The following NOX4 variants were observed in gnomAD, a reference collection of about 807,000 sequenced individuals.
NOX4 encodes the protein kidney oxidase-1.
In NOX4, 69 loss-of-function variants were observed where a neutral mutation model predicts 87.6. That is an observed-to-expected ratio of 0.79 (90% CI 0.65 to 0.96). NOX4 has a LOEUF of 0.96. Ranked by LOEUF, NOX4 falls within the 40% of genes least tolerant of loss-of-function variation. The pLI is 0.00. For missense variants in NOX4, 680 were observed against 681.5 expected (o/e 1.00, Z 0.02); for synonymous variants, 275 against 238.2 (o/e 1.15, Z -1.42).
chr11:89,541,541 T>C, the NOX4 span, among the ~76,000 whole-genome samples: 169 of 152,306 alleles, frequency 1.1e-3, 1 homozygote, highest in African/African-American at 3.5e-3. Flanking sequence ...GATTTTTTTT[T>C]CAGAAGATAT....
Position 89,420,869 on chromosome 11 carries a change from T to C in NOX4, c.629+1033A>G, listed in dbSNP as rs773566064. On this transcript the variant is annotated intron_variant, in intron 8 of 17. Coordinates refer to ENST00000263317, the MANE Select transcript of NOX4 (RefSeq NM_016931.5). ...AAAGGACTGTGATTGAACTATGAAA[T>C]CATTTTGGACCTCACAGACCTCAGC... Among the ~76,000 whole-genome samples the C allele has an allele frequency of 2.4e-4, 36 of 152,118 alleles. 1 individual carries two copies. Among genetic ancestry groups the C allele is most frequent in the Non-Finnish European group, 4.7e-4 (32 of 68,008 alleles).
the NOX4 span, among the ~76,000 whole-genome samples, chr11:89,528,130 C>G: frequency 2.0e-5 from 3 of 152,222 alleles, no homozygotes; most frequent in Non-Finnish European, 4.4e-5. Context: ...TAATGCCCCA[C>G]TGGATTTCGG....
At chr11:89,484,004 C>G (rs184563894) in intron 2 of NOX4, among the ~76,000 whole-genome samples, 107 of 152,118 alleles carry the variant, frequency 7.0e-4, no homozygotes, top group Non-Finnish European at 1.3e-3. Context: ...AGCTACAAAA[C>G]AAAAACTTGA....
intron 2 of NOX4, among the ~76,000 whole-genome samples, chr11:89,472,938 G>A (rs1215085806): frequency 1.3e-5 from 2 of 152,124 alleles, no homozygotes; most frequent in South Asian, 2.1e-4. Context: ...ACCTAGAATT[G>A]AAGAATTTGA....
At chr11:89,341,149 G>C in intron 14 of NOX4, among the ~76,000 whole-genome samples, 1 of 128,646 alleles carries the variant, frequency 7.8e-6, no homozygotes, top group South Asian at 2.6e-4. Context: ...TTTTGGCAGA[G>C]TCTCGCTCTG....
At chr11:89,508,092 A>G in the NOX4 span, among the ~76,000 whole-genome samples, 1 of 152,204 alleles carries the variant, frequency 6.6e-6, no homozygotes, top group Non-Finnish European at 1.5e-5. Context: ...AAATAATATA[A>G]TGCAAAAACT....
intron 11 of NOX4, among the ~76,000 whole-genome samples, chr11:89,391,830 T>C (rs1279874926): frequency 6.6e-6 from 1 of 151,906 alleles, no homozygotes; most frequent in East Asian, 1.9e-4. Context: ...TAGTAGGCAC[T>C]ATGCACTTTA....
intron 11 of NOX4, among the ~76,000 whole-genome samples, chr11:89,381,713 G>A (rs1181296644): frequency 6.6e-6 from 1 of 152,136 alleles, no homozygotes; most frequent in Non-Finnish European, 1.5e-5. Context: ...TCCCTTGGGA[G>A]ATCAATCCCC....
chr11:89,422,552 A>T (rs1943135855), intron 7 of NOX4, among the ~76,000 whole-genome samples: 1 of 152,168 alleles, frequency 6.6e-6, no homozygotes, highest in Admixed American at 6.5e-5. Context: ...AGAATGTTTG[A>T]GAGAAGTAAA....
chr11:89,490,289 G>A (rs1565353514), intron 2 of NOX4, among the ~76,000 whole-genome samples, 169 bp downstream of exon 2: 1 of 152,180 alleles, frequency 6.6e-6, no homozygotes, highest in Admixed American at 6.5e-5. Flanking sequence ...TTTTTAACTT[G>A]TACAAGTGTA....
intron 1 of NOX4, 187 bp downstream of exon 1, chr11:89,491,003 G>A (rs372132622): frequency 1.4e-6 from 1 of 730,078 alleles, no homozygotes; most frequent in Admixed American, 2.0e-5. Context: ...ATGCATTTGG[G>A]GGACAGGCGA....
At chr11:89,440,303 AGTTTT>A (rs1330913007) in intron 6 of NOX4, among the ~76,000 whole-genome samples, 13 of 151,952 alleles carry the variant, frequency 8.6e-5, no homozygotes. Context: ...GATAATGCTT[AGTTTT>A]ATTTTATTTA....
At chr11:89,425,409 C>CA (rs766357906) in intron 7 of NOX4, among the ~76,000 whole-genome samples, 4,436 of 70,492 alleles carry the variant, frequency 0.063, 193 homozygotes, top group African/African-American at 0.17. Flanking sequence ...ATTGAAATAC[C>CA]AAAAAAAAAA....
At chr11:89,497,078 G>A (rs932870312), upstream of NOX4, among the ~76,000 whole-genome samples, 10 of 152,134 alleles carry the variant, frequency 6.6e-5, no homozygotes, top group African/African-American at 2.4e-4. Flanking sequence ...AATGCTTAAG[G>A]CCACAAATGC....
At chr11:89,570,242 T>C in the NOX4 span, among the ~76,000 whole-genome samples, 2 of 152,106 alleles carry the variant, frequency 1.3e-5, no homozygotes, top group Non-Finnish European at 2.9e-5. Flanking sequence ...CCTAAATTAG[T>C]TAATGCAAGA....
chr11:89,406,313 G>A (rs972980613), intron 8 of NOX4, among the ~76,000 whole-genome samples: 22 of 151,918 alleles, frequency 1.4e-4, no homozygotes, highest in African/African-American at 5.1e-4. Flanking sequence ...AAAATTTGAG[G>A]CACATGTTCT....
chr11:89,442,628 A>G (rs1018711241), intron 5 of NOX4, among the ~76,000 whole-genome samples: 1 of 152,166 alleles, frequency 6.6e-6, no homozygotes, highest in Non-Finnish European at 1.5e-5. Flanking sequence ...GCGACTCAAA[A>G]TATCAGAAAA....
the NOX4 span, among the ~76,000 whole-genome samples, chr11:89,528,735 A>T: frequency 1.1e-3 from 169 of 152,112 alleles, 1 homozygote; most frequent in South Asian, 2.1e-3. Context: ...AGTCAATTAA[A>T]TTTTTTCCTT....
the NOX4 span, among the ~76,000 whole-genome samples, chr11:89,540,070 GT>G: frequency 2.0e-5 from 3 of 152,136 alleles, no homozygotes; most frequent in Non-Finnish European, 2.9e-5. Context: ...TCTTCTCACT[GT>G]GAAAATTTGT....
Sources: allele counts gnomAD v4.1 joint callset (sites outside exome capture counted in the v4.1 genomes callset), GRCh38; gene constraint gnomAD v4.1.1; transcripts MANE v1.5; gene names NCBI Gene and HGNC (gene_info 2026-07-23, HGNC 2026-07-21).